Variants in NAALADL2 observed in about 807,000 individuals in gnomAD.
The protein encoded by NAALADL2 is N-acetylated alpha-linked acidic dipeptidase like 2.
In NAALADL2, 76 loss-of-function variants were observed where a neutral mutation model predicts 87.2. The observed-to-expected ratio is 0.87, with a 90% confidence interval of 0.72 to 1.05. The LOEUF (loss-of-function observed/expected upper bound fraction) is 1.05. Among genes scored for constraint, NAALADL2 ranks in the 50% least tolerant of loss-of-function variants. The pLI is 0.00. For missense variants in NAALADL2, 1,089 were observed against 945.8 expected, an observed-to-expected ratio of 1.15 and a Z score of -1.99; for synonymous variants, 354 against 331.0, an observed-to-expected ratio of 1.07 and a Z score of -0.75.
chr3:174,799,926 A>G (rs1427526191), intron 3 of NAALADL2, among the ~76,000 whole-genome samples: 2 of 152,186 alleles, frequency 1.3e-5, no homozygotes, highest in Non-Finnish European at 2.9e-5. Flanking sequence ...GTTTCAGCAA[A>G]GAGACTAGTG....
At chr3:174,644,707 T>C (rs955699125) in intron 2 of NAALADL2, among the ~76,000 whole-genome samples, 7 of 152,186 alleles carry the variant, frequency 4.6e-5, no homozygotes, top group Non-Finnish European at 8.8e-5. Flanking sequence ...GTTTTTGTCT[T>C]ATGAGTTGCA....
At chr3:175,512,539 TAGAA>T (rs1454541915) in intron 9 of NAALADL2, among the ~76,000 whole-genome samples, 2 of 152,172 alleles carry the variant, frequency 1.3e-5, no homozygotes, top group Non-Finnish European at 2.9e-5. Flanking sequence ...TGGTACTTTA[TAGAA>T]AGAAAGAAAT....
intron 3 of NAALADL2, among the ~76,000 whole-genome samples, chr3:174,770,855 A>C (rs1388325923): frequency 6.6e-6 from 1 of 152,096 alleles, no homozygotes; most frequent in African/African-American, 2.4e-5. Context: ...AACAAAAAAA[A>C]AAAAGAAAAA....
chr3:175,520,947 C>A (rs905994073), intron 9 of NAALADL2, among the ~76,000 whole-genome samples: 1 of 152,038 alleles, frequency 6.6e-6, no homozygotes, highest in African/African-American at 2.4e-5. Context: ...GGATTAGAAT[C>A]TAAAATTTCG....
In NAALADL2 at chr3:175,366,261, T is replaced by A. The variant is rs1337677874; in HGVS notation, c.1090+41936T>A. Among the ~76,000 whole-genome samples, 41 of 150,768 alleles carry A rather than the reference T, an allele frequency of 2.7e-4. 1 individual carries two copies. Among genetic ancestry groups the A allele is most frequent in the South Asian group, 2.1e-4 (1 of 4,722 alleles). On this transcript the variant is annotated intron_variant, in intron 5 of 13. Coordinates refer to ENST00000454872, the MANE Select transcript of NAALADL2 (RefSeq NM_207015.3). ...ATTTTCTTAATCCAGTCTATCATTG[T>A]TGGACATTTGGGTTGGTTCCAAGTC... is the stretch of plus-strand genomic sequence containing the variant.
At chr3:175,069,324 A>T (rs1306679549) in intron 1 of NAALADL2, among the ~76,000 whole-genome samples, 1 of 149,966 alleles carries the variant, frequency 6.7e-6, no homozygotes, top group Admixed American at 6.6e-5. Flanking sequence ...AGAAAAAAAC[A>T]AACAACCCCA....
chr3:175,121,389 G>A (rs575004590), intron 2 of NAALADL2, among the ~76,000 whole-genome samples: 6 of 151,952 alleles, frequency 3.9e-5, no homozygotes, highest in African/African-American at 1.4e-4. Flanking sequence ...AGAACTAGAT[G>A]TTTCACAACC....
At chr3:175,068,990 G>C (rs1262054396) in intron 1 of NAALADL2, among the ~76,000 whole-genome samples, 1 of 151,880 alleles carries the variant, frequency 6.6e-6, no homozygotes, top group Non-Finnish European at 1.5e-5. Flanking sequence ...TCCAAAAACT[G>C]TATTTTAACA....
At chr3:175,231,200 C>A (rs918464850) in intron 2 of NAALADL2, among the ~76,000 whole-genome samples, 8 of 151,700 alleles carry the variant, frequency 5.3e-5, no homozygotes, top group Non-Finnish European at 1.5e-5. Flanking sequence ...CAATGGGAAG[C>A]AACAAAGTCA....
At chr3:175,667,996 G>A (rs144438980) in intron 11 of NAALADL2, among the ~76,000 whole-genome samples, 6 of 152,196 alleles carry the variant, frequency 3.9e-5, no homozygotes, top group South Asian at 2.1e-4. Context: ...TGGAAAGTGC[G>A]CCCATCATCA....
At chr3:175,494,824 A>G (rs914291762) in intron 9 of NAALADL2, among the ~76,000 whole-genome samples, 1 of 151,954 alleles carries the variant, frequency 6.6e-6, no homozygotes, top group Admixed American at 6.6e-5. Flanking sequence ...TAAGTACAAT[A>G]TCTTTTTAGT....
rs908183548 is a variant in NAALADL2, at chr3:175,442,696, G to A, written c.1091-4533G>A. Among the ~76,000 whole-genome samples the A allele has an allele frequency of 3.9e-5, 6 of 152,154 alleles. No individual in the cohort carries two copies. In the East Asian group the frequency reaches 5.8e-4, roughly 15 times the overall value. On this transcript the variant is annotated intron_variant, in intron 5 of 13. Transcript: ENST00000454872. ...TTGAATCAGGGATTGAATTATTGACGTAATGGGTCTGTTTGAGTCTTTATC... is the reference window on the plus strand; with the variant it reads ...TTGAATCAGGGATTGAATTATTGACATAATGGGTCTGTTTGAGTCTTTATC...
At chr3:175,691,815 A>G (rs1737083290) in intron 11 of NAALADL2, among the ~76,000 whole-genome samples, 1 of 152,114 alleles carries the variant, frequency 6.6e-6, no homozygotes, top group South Asian at 2.1e-4. Flanking sequence ...TTTAAGAGCA[A>G]TATTAAACTT....
chr3:175,097,367 G>T, intron 2 of NAALADL2, 76 bp downstream of exon 2: 1 of 1,329,592 alleles, frequency 7.5e-7, no homozygotes, highest in Non-Finnish European at 1.0e-6. Context: ...TTGAACTGAT[G>T]ATTTTTCATG....
intron 1 of NAALADL2, among the ~76,000 whole-genome samples, chr3:174,537,192 G>A (rs1341926330): frequency 6.6e-6 from 1 of 152,116 alleles, no homozygotes; most frequent in South Asian, 2.1e-4. Context: ...TATCACAAGG[G>A]TGTTTGAATC....
chr3:174,798,206 A>G (rs1002948335), intron 3 of NAALADL2, among the ~76,000 whole-genome samples: 9 of 152,204 alleles, frequency 5.9e-5, no homozygotes, highest in African/African-American at 2.2e-4. Context: ...CCATTAATCT[A>G]TATATCTATC....
In NAALADL2 at chr3:175,438,050, G is replaced by A. The variant is rs150640159; in HGVS notation, c.1091-9179G>A. Among the ~76,000 whole-genome samples, 646 of 152,012 alleles carry A rather than the reference G, an allele frequency of 4.2e-3. 3 individuals are homozygous for A. Among genetic ancestry groups the A allele is most frequent in the African/African-American group, 5.8e-3 (242 of 41,488 alleles). ...ATTTCGTGGTTTCAAATTTTATATC[G>A]TGAATCATGAATTTTAGGCTTACAA... On this transcript the variant is annotated intron_variant, in intron 5 of 13. Coordinates refer to ENST00000454872, the MANE Select transcript of NAALADL2 (RefSeq NM_207015.3).
chr3:175,465,907 C>T (rs975382666), intron 7 of NAALADL2, among the ~76,000 whole-genome samples: 1 of 152,192 alleles, frequency 6.6e-6, no homozygotes, highest in South Asian at 2.1e-4. Context: ...ATTTATTCCA[C>T]CCATGTGTAA....
chr3:174,804,778 T>C (rs1719262435), intron 3 of NAALADL2, among the ~76,000 whole-genome samples: 1 of 152,160 alleles, frequency 6.6e-6, no homozygotes, highest in African/African-American at 2.4e-5. Context: ...GTTGAAGAAT[T>C]CTAAAATATT....
Sources: allele counts gnomAD v4.1 joint callset (sites outside exome capture counted in the v4.1 genomes callset), GRCh38; gene constraint gnomAD v4.1.1; transcripts MANE v1.5; gene names NCBI Gene and HGNC (gene_info 2026-07-23, HGNC 2026-07-21).